The following USP42 variants were observed in gnomAD, a reference collection of about 807,000 sequenced individuals.
The protein encoded by USP42 is ubiquitin carboxyl-terminal hydrolase 42.
USP42 carries 23 observed loss-of-function variants against 113.0 expected under a neutral mutation model. The ratio of observed to expected loss-of-function variants is 0.20; its 90% CI spans 0.15 to 0.29. The LOEUF (loss-of-function observed/expected upper bound fraction) is 0.29, where lower values mean the gene tolerates loss of function less well. Ranked by LOEUF, USP42 falls within the 10% of genes least tolerant of loss-of-function variation. The pLI is 1.00. For synonymous variants in USP42, 933 were observed against 699.0 expected (o/e 1.33, Z -5.28); for missense variants, 2,174 against 1,779.8 (o/e 1.22, Z -3.99).
the USP42 span, among the ~76,000 whole-genome samples, chr7:6,086,158 C>T: frequency 6.7e-6 from 1 of 150,338 alleles, no homozygotes; most frequent in Non-Finnish European, 1.5e-5. Flanking sequence ...GCCTCAGCCT[C>T]CCGAGTACCT....
chr7:6,114,646 A>G lies in USP42; in HGVS notation c.242-677A>G, dbSNP rs10243171. Among the ~76,000 whole-genome samples the G allele has an allele frequency of 4.9e-4, 43 of 87,886 alleles. No individual in the cohort carries two copies. The East Asian group carries it at 0.011, about 23-fold the overall frequency. 57.7% of individuals were successfully genotyped at this position (87,886 alleles called of 152,430 possible). ...AAAATACGTGTGTGTGTATATATGT[A>G]TGTGTGTGTGTATATATATATATAT... is the stretch of plus-strand genomic sequence containing the variant. On this transcript the variant is annotated intron_variant, in intron 2 of 17. Transcript: ENST00000306177.
chr7:6,122,098 T>G (rs886306914), intron 3 of USP42, among the ~76,000 whole-genome samples: 1 of 152,232 alleles, frequency 6.6e-6, no homozygotes, highest in African/African-American at 2.4e-5. Flanking sequence ...GTTATTGTCA[T>G]TATTCCATTT....
the USP42 span, among the ~76,000 whole-genome samples, chr7:6,082,023 G>C: frequency 6.6e-6 from 1 of 151,882 alleles, no homozygotes; most frequent in Admixed American, 6.6e-5. Context: ...GCGGGGACTT[G>C]TCTGTATTAC....
the USP42 span, chr7:6,081,275 G>C: frequency 6.6e-6 from 1 of 152,172 alleles, no homozygotes; most frequent in Non-Finnish European, 1.5e-5. Flanking sequence ...ACGGAGGTGA[G>C]CTGGACACAC....
At chr7:6,146,360 G>C in intron 11 of USP42, 112 bp downstream of exon 11, 1 of 733,282 alleles carries the variant, frequency 1.4e-6, no homozygotes, top group Admixed American at 3.2e-5. Context: ...AAACCCAGCA[G>C]CTTAAAGATC....
rs1782302338 is a variant in USP42 at position 6,154,569 on chromosome 7, G to C, written c.3015G>C (p.Arg1005Ser). 6.4e-7 allele frequency: 1 copy of C among 1,557,626 alleles called. No homozygotes were observed. The highest frequency in any genetic ancestry group is 1.4e-5 in the African/African-American group (1 of 73,292). ...APEHHPGHGD[R>S]LSPGERRSLG... ...AGCACCACCCCGGCCACGGCGACAG[G>C]CTCAGCCCTGGCGAGCGCCGCTCTC... The change falls in exon 15 of 18, where the codon AGG (arginine) becomes AGC (serine). Residue 1005 changes from arginine (R) to serine (S), a missense_variant. Coordinates refer to ENST00000306177, the MANE Select transcript of USP42 (RefSeq NM_032172.3).
rs1469414957 is a variant in USP42 at position 6,139,207 on chromosome 7, G to C, written c.656+13G>C. ...ATGGCAGCAATAAGTAAGTACAACAGAGCGCCAGCCATGTCTTCATTGGGG... is the reference window on the plus strand; with the variant it reads ...ATGGCAGCAATAAGTAAGTACAACACAGCGCCAGCCATGTCTTCATTGGGG... On this transcript the variant is annotated intron_variant, in intron 5 of 17. Transcript: ENST00000306177. This position sits in a 1 kb window ranked among gnomAD's most constrained non-coding sequence, Gnocchi z 4.5. 2 of 1,567,930 alleles carry C rather than the reference G, an allele frequency of 1.3e-6. No individual in the cohort carries two copies. Among genetic ancestry groups the C allele is most frequent in the Non-Finnish European group, 1.7e-6 (2 of 1,152,626 alleles).
chr7:6,099,276 G>A, the USP42 span, among the ~76,000 whole-genome samples: 11 of 139,712 alleles, frequency 7.9e-5, no homozygotes, highest in East Asian at 2.1e-3. Context: ...GTGCAGTGGC[G>A]CGATCTCAGC....
chr7:6,137,773 G>A (rs1023760689), intron 4 of USP42, among the ~76,000 whole-genome samples: 3 of 152,072 alleles, frequency 2.0e-5, no homozygotes, highest in Admixed American at 6.6e-5. Context: ...TCCGCCTCTC[G>A]GATTCCAGCG....
the USP42 span, among the ~76,000 whole-genome samples, chr7:6,089,568 T>C: frequency 6.7e-6 from 1 of 148,294 alleles, no homozygotes; most frequent in Non-Finnish European, 1.5e-5. Flanking sequence ...AGTCTCACCC[T>C]GTCTCCCAGG....
At chr7:6,093,486 T>C in the USP42 span, among the ~76,000 whole-genome samples, 6 of 150,836 alleles carry the variant, frequency 4.0e-5, no homozygotes, top group Non-Finnish European at 8.8e-5. Context: ...CAAAACCATG[T>C]TGGCCAGGCT....
intron 12 of USP42, 37 bp from the exon 13 acceptor site, chr7:6,149,546 C>T (rs1170830972): frequency 6.4e-7 from 1 of 1,569,652 alleles, no homozygotes; most frequent in African/African-American, 1.4e-5. Context: ...GACCATGTTT[C>T]TGGAGCTCTG....
intron 6 of USP42, among the ~76,000 whole-genome samples, chr7:6,140,667 C>T (rs1212924452): frequency 1.3e-5 from 2 of 152,100 alleles, no homozygotes; most frequent in African/African-American, 4.8e-5. Flanking sequence ...AATTTTAATT[C>T]TGTCAGGTTG....
Position 6,158,087 on chromosome 7 carries a change from T to C in USP42, c.3943+1032T>C, listed in dbSNP as rs1261808068. On this transcript the variant is annotated intron_variant, in intron 16 of 17. Coordinates refer to ENST00000306177, the MANE Select transcript of USP42 (RefSeq NM_032172.3). This position sits in a 1 kb window ranked among gnomAD's most constrained non-coding sequence, Gnocchi z 4.2. Reference sequence around the variant, plus strand: ...CTTTGTATGAACTTGGAGTTAAGAATGGTTTTAACCTTTTTAAGTGGTTGG... The same window carrying C: ...CTTTGTATGAACTTGGAGTTAAGAACGGTTTTAACCTTTTTAAGTGGTTGG... 6.6e-6 allele frequency among the ~76,000 whole-genome samples: 1 copy of C among 152,238 alleles called. No homozygotes were observed. Among genetic ancestry groups the C allele is most frequent in the East Asian group, 1.9e-4 (1 of 5,198 alleles).
rs1782263818 is a variant in USP42 at position 6,154,215 on chromosome 7, C to T, written c.2661C>T (p.Ser887=). 1.9e-6 allele frequency: 3 copies of T among 1,607,000 alleles called. No individual in the cohort carries two copies. The highest frequency in any genetic ancestry group is 2.5e-6 in the Non-Finnish European group (3 of 1,179,008). The change falls in exon 15 of 18, where the codon TCC becomes TCT. Residue 887 remains serine, a synonymous_variant. Transcript: ENST00000306177. ...ACGCCCGGGACGCTCAGGACCCATC[C>T]CAGAGCTTGGGCGCACCCGAGGCCG... ...GDHARDAQDP[S]QSLGAPEAAE...
chr7:6,098,139 G>A, the USP42 span, among the ~76,000 whole-genome samples: 2 of 148,466 alleles, frequency 1.3e-5, no homozygotes, highest in South Asian at 4.3e-4. Flanking sequence ...TTCTGAACTC[G>A]TGATCCTTCC....
chr7:6,119,919 C>A (rs1190603127), intron 3 of USP42, among the ~76,000 whole-genome samples: 1 of 152,108 alleles, frequency 6.6e-6, no homozygotes, highest in Non-Finnish European at 1.5e-5. Context: ...CCAGGCTGGT[C>A]TTGAACTCCT....
At chr7:6,093,164 C>CCCTTCCTTCCCTCCCTCTCTCCCTT in the USP42 span, 7 of 138,510 alleles carry the variant, frequency 5.1e-5, no homozygotes, top group Admixed American at 7.3e-5. Flanking sequence ...TCCCTCCCTT[C>CCCTTCCTTCCCTCCCTCTCTCCCTT]CCTTCCTTCC....
chr7:6,118,540 G>GA (rs78650996), intron 3 of USP42, among the ~76,000 whole-genome samples: 226 of 140,670 alleles, frequency 1.6e-3, no homozygotes, highest in African/African-American at 2.4e-3. Context: ...GAAAAGACAA[G>GA]AAAAAAAAAA....
Sources: gnomAD v4.1 joint callset for allele counts (sites outside exome capture counted in the v4.1 genomes callset) on GRCh38, gnomAD v4.1.1 for gene constraint, Gnocchi (gnomAD v3.1) non-coding constraint, MANE v1.5 for transcripts, NCBI Gene and HGNC (gene_info 2026-07-23, HGNC 2026-07-21) for gene names.